The following CDK5RAP2 variants were observed in gnomAD, a reference collection of about 807,000 sequenced individuals.
CDK5RAP2 encodes the protein CDK5 regulatory subunit-associated protein 2.
A neutral mutation model predicts 232.9 loss-of-function variants in CDK5RAP2; 147 were observed. That is an observed-to-expected ratio of 0.63 (90% CI 0.55 to 0.72). The LOEUF (loss-of-function observed/expected upper bound fraction) is 0.72. Ranked by LOEUF, CDK5RAP2 falls within the 30% of genes least tolerant of loss-of-function variation. The probability of loss-of-function intolerance (pLI) is 0.00; values close to 1 mark genes in which losing one functional copy is unlikely to be tolerated. For synonymous variants in CDK5RAP2, 833 were observed against 833.7 expected (o/e 1.00, Z 0.01); for missense variants, 2,195 against 2,231.5 (o/e 0.98, Z 0.33).
chr9:120,432,538 TATATGA>T lies in CDK5RAP2; in HGVS notation c.3955+4751_3955+4756del, dbSNP rs374231906. On this transcript the variant is annotated intron_variant, in intron 25 of 37. Coordinates refer to ENST00000349780, the MANE Select transcript of CDK5RAP2 (RefSeq NM_018249.6). ...TTCATAATTCAAGAGCCAGACCCCT[TATATGA>T]ATCCAAGAAAGAGCTACCTCTGTGT... 8.3e-3 allele frequency among the ~76,000 whole-genome samples: 1,260 copies of T among 152,334 alleles called. 15 individuals are homozygous for T. Among genetic ancestry groups the T allele is most frequent in the African/African-American group, 0.029 (1,204 of 41,570 alleles).
chr9:120,578,343 G>A (rs1378819841), intron 1 of CDK5RAP2, among the ~76,000 whole-genome samples: 3 of 152,194 alleles, frequency 2.0e-5, no homozygotes, highest in Non-Finnish European at 2.9e-5. Flanking sequence ...CAATACAAGA[G>A]AGAAGCCATA....
chr9:120,415,653 G>C (rs966002877), intron 27 of CDK5RAP2, among the ~76,000 whole-genome samples: 2 of 152,228 alleles, frequency 1.3e-5, no homozygotes, highest in African/African-American at 4.8e-5. Context: ...ATGCTAGTGA[G>C]AATGGTAATA....
At chr9:120,520,793 T>TCA (rs1268356531) in intron 11 of CDK5RAP2, among the ~76,000 whole-genome samples, 1 of 126,196 alleles carries the variant, frequency 7.9e-6, no homozygotes, top group Non-Finnish European at 1.7e-5. Flanking sequence ...GAGATATATC[T>TCA]CATATATCTC....
intron 8 of CDK5RAP2, 67 bp from the exon 9 acceptor site, chr9:120,528,864 G>A: frequency 9.2e-7 from 1 of 1,090,354 alleles, no homozygotes; most frequent in Non-Finnish European, 1.4e-6. Flanking sequence ...AGAACAATTA[G>A]AATGAGCACG....
chr9:120,460,586 G>A lies in CDK5RAP2; in HGVS notation c.2188C>T (p.Gln730Ter). The change falls in exon 19 of 38, where the codon CAG becomes TAG. Residue 730 changes from glutamine (Q) to a stop codon, truncating the protein, a stop_gained. Transcript: ENST00000349780. LOFTEE classifies it high-confidence loss of function. ...EINFLSDQHL[Q>*]QSNEIMKDLS... ...AAGGTTCCTACCTCATTACTCTGCT[G>A]CAAATGCTGGTCACTCAGGAAATTA... 6.2e-7 allele frequency: 1 copy of A among 1,614,048 alleles called. No homozygotes were observed. The highest frequency in any genetic ancestry group is 8.5e-7 in the Non-Finnish European group (1 of 1,179,942).
At chr9:120,472,377 A>G (rs1421082030) in intron 15 of CDK5RAP2, among the ~76,000 whole-genome samples, 1 of 152,166 alleles carries the variant, frequency 6.6e-6, no homozygotes, top group Admixed American at 6.5e-5. Context: ...TCTGTTCTGA[A>G]CAATGCCCCA....
intron 12 of CDK5RAP2, among the ~76,000 whole-genome samples, chr9:120,500,826 T>C (rs2039539970): frequency 6.6e-6 from 1 of 152,208 alleles, no homozygotes; most frequent in African/African-American, 2.4e-5. Context: ...CATCATGTTT[T>C]TGCCTTCCTG....
At chr9:120,552,682 A>G (rs1182673739) in intron 3 of CDK5RAP2, among the ~76,000 whole-genome samples, 4 of 107,888 alleles carry the variant, frequency 3.7e-5, no homozygotes, top group African/African-American at 1.5e-4. Flanking sequence ...ATCACACACC[A>G]GGGCCTGTTG....
In CDK5RAP2 at chr9:120,539,662, T is replaced by C. The variant is rs568021679; in HGVS notation, c.384-498A>G. Among the ~76,000 whole-genome samples, 5 of 152,362 alleles carry C rather than the reference T, an allele frequency of 3.3e-5. No homozygotes were observed. In the East Asian group the frequency reaches 9.6e-4, roughly 29 times the overall value. ...ACAACAGTGCCTGGTACAAAGTAAG[T>C]ATTCAATAAATGTTGGCGATACTGT... On this transcript the variant is annotated intron_variant, in intron 5 of 37. Transcript: ENST00000349780.
At position 120,394,604 on chromosome 9, in the gene CDK5RAP2, T is replaced by C. The variant is rs765457208; in HGVS notation, c.5486A>G (p.His1829Arg). ...CTTTTCTTGTTCAAACAATTTTTTA[T>C]GTAGTTTGGTGACCTCTGCCTTCAT... ...GEMKAEVTKL[H>R]KKLFEQEKKL... is the part of the protein sequence containing the mutation. The change falls in exon 36 of 38, where the codon CAT becomes CGT. Residue 1829 changes from histidine to arginine, a missense_variant. Coordinates refer to ENST00000349780, the MANE Select transcript of CDK5RAP2 (RefSeq NM_018249.6). 1.2e-6 allele frequency: 2 copies of C among 1,614,086 alleles called. No homozygotes were observed. Among genetic ancestry groups the C allele is most frequent in the Non-Finnish European group, 8.5e-7 (1 of 1,179,974 alleles).
intron 14 of CDK5RAP2, among the ~76,000 whole-genome samples, chr9:120,485,357 C>T (rs887264529): frequency 3.4e-5 from 5 of 146,772 alleles, no homozygotes; most frequent in African/African-American, 1.3e-4. Context: ...TGCAGTGGCA[C>T]GATCTCAGCT....
chr9:120,508,590 C>T (rs1197076454), intron 12 of CDK5RAP2, among the ~76,000 whole-genome samples: 1 of 152,198 alleles, frequency 6.6e-6, no homozygotes, highest in African/African-American at 2.4e-5. Flanking sequence ...CCTTCTCCAG[C>T]CCCACTCACT....
chr9:120,480,960 T>C (rs1401921906), intron 14 of CDK5RAP2, among the ~76,000 whole-genome samples: 1 of 152,190 alleles, frequency 6.6e-6, no homozygotes, highest in African/African-American at 2.4e-5. Flanking sequence ...TGGGATTCTC[T>C]CAGCTCCCAC....
At chr9:120,530,200 G>T in intron 7 of CDK5RAP2, 60 bp from the exon 8 acceptor site, 1 of 1,305,934 alleles carries the variant, frequency 7.7e-7, no homozygotes, top group Non-Finnish European at 1.1e-6. Flanking sequence ...CAGTGGAGCT[G>T]GAGGAGGAAG....
intron 5 of CDK5RAP2, among the ~76,000 whole-genome samples, chr9:120,545,356 G>A (rs1045952839): frequency 2.6e-5 from 4 of 152,150 alleles, no homozygotes; most frequent in Non-Finnish European, 4.4e-5. Flanking sequence ...TTAAAAACAG[G>A]CAGAACTAAC....
At chr9:120,546,356 G>A (rs992075472) in intron 4 of CDK5RAP2, among the ~76,000 whole-genome samples, 5 of 152,288 alleles carry the variant, frequency 3.3e-5, no homozygotes, top group South Asian at 2.1e-4. Flanking sequence ...AAGGAGCACC[G>A]CAATGTTCTC....
intron 12 of CDK5RAP2, among the ~76,000 whole-genome samples, chr9:120,504,492 C>G (rs1168100043): frequency 6.6e-6 from 1 of 152,236 alleles, no homozygotes; most frequent in Non-Finnish European, 1.5e-5. Context: ...TCCCGCCAGA[C>G]AGCTCCCTAC....
intron 12 of CDK5RAP2, among the ~76,000 whole-genome samples, chr9:120,494,189 GAAATAT>G (rs58132827): frequency 0.073 from 11,009 of 151,514 alleles, 1,281 homozygotes; most frequent in African/African-American, 0.25. Flanking sequence ...GAAAGACATA[GAAATAT>G]AAATATACAT....
chr9:120,572,544 G>A (rs2042891206), intron 1 of CDK5RAP2, among the ~76,000 whole-genome samples: 1 of 152,206 alleles, frequency 6.6e-6, no homozygotes, highest in African/African-American at 2.4e-5. Flanking sequence ...GATGTTTTAA[G>A]AATGTCAAAC....
Sources: allele counts gnomAD v4.1 joint callset (sites outside exome capture counted in the v4.1 genomes callset), GRCh38; gene constraint gnomAD v4.1.1; transcripts MANE v1.5; gene names NCBI Gene and HGNC (gene_info 2026-07-23, HGNC 2026-07-21).